The following CANX variants were observed in gnomAD, a reference collection of about 807,000 sequenced individuals.
CANX encodes calnexin, also known as epididymis secretory sperm binding protein.
A neutral mutation model predicts 75.7 loss-of-function variants in CANX; 14 were observed. That is an observed-to-expected ratio of 0.19 (90% CI 0.12 to 0.29). CANX has a LOEUF of 0.29. CANX is among the 10% of genes least tolerant of loss of function. The probability of loss-of-function intolerance (pLI) is 1.00; values close to 1 mark genes in which losing one functional copy is unlikely to be tolerated. For synonymous variants in CANX, 227 were observed against 236.9 expected (o/e 0.96, Z 0.38); for missense variants, 567 against 713.2 (o/e 0.79, Z 2.34).
chr5:179,682,105 A>G (rs1776078619), intron 1 of CANX, among the ~76,000 whole-genome samples: 1 of 151,892 alleles, frequency 6.6e-6, no homozygotes, highest in Non-Finnish European at 1.5e-5. Flanking sequence ...AGAAAAAATT[A>G]GCCGGGTGTG....
At chr5:179,706,391 A>G (rs966500739) in intron 3 of CANX, 60 bp downstream of exon 3, 8 of 796,700 alleles carry the variant, frequency 1.0e-5, no homozygotes, top group South Asian at 1.6e-5. Context: ...ATGGGATAGT[A>G]GATTCCTTTT....
intron 1 of CANX, among the ~76,000 whole-genome samples, chr5:179,702,293 C>A (rs776697318): frequency 6.6e-6 from 1 of 151,600 alleles, no homozygotes; most frequent in African/African-American, 2.4e-5. Context: ...AAGCGATCAT[C>A]CTGCTTCCTC....
intron 1 of CANX, among the ~76,000 whole-genome samples, chr5:179,681,870 C>T (rs1387449697): frequency 6.6e-6 from 1 of 151,246 alleles, no homozygotes; most frequent in Non-Finnish European, 1.5e-5. Flanking sequence ...ATCACCTGAG[C>T]CCAAGAGGTG....
upstream of CANX, among the ~76,000 whole-genome samples, chr5:179,696,919 CT>C (rs1189551549): frequency 6.7e-6 from 1 of 149,752 alleles, no homozygotes; most frequent in Non-Finnish European, 1.5e-5. Context: ...CACGTACTCA[CT>C]TCTGGTCTCT....
In CANX at chr5:179,699,021, C is replaced by CCT. The variant is rs1286746862; in HGVS notation, c.-78_-77dup. The CCT allele has an allele frequency of 6.3e-6, 7 of 1,116,598 alleles. No individual in the cohort carries two copies. In the South Asian group the frequency reaches 1.1e-4, roughly 18 times the overall value. The allele number at this position is 1,116,598 out of a possible 1,614,324, so 69.2% of individuals were successfully genotyped here. On this transcript the variant is annotated 5_prime_UTR_variant, in exon 1 of 15. Transcript: ENST00000247461. ...GCACGTGACGGTCGGGCCGCCTCCG[C>CCT]CTCTCTCTTTACTGCGGCGCGGGGC...
chr5:179,701,547 G>T (rs1267747616), intron 1 of CANX, among the ~76,000 whole-genome samples: 2 of 151,726 alleles, frequency 1.3e-5, no homozygotes, highest in Non-Finnish European at 2.9e-5. Context: ...TCCAGCCTGG[G>T]TGACAGAGTG....
chr5:179,681,704 C>T (rs1483500770), intron 1 of CANX, among the ~76,000 whole-genome samples: 4 of 151,902 alleles, frequency 2.6e-5, no homozygotes, highest in Non-Finnish European at 5.9e-5. Context: ...CTCAGTAGGG[C>T]GCCAGCTGAG....
chr5:179,684,661 T>C (rs865837941), intron 1 of CANX, among the ~76,000 whole-genome samples: 1 of 151,862 alleles, frequency 6.6e-6, no homozygotes, highest in Non-Finnish European at 1.5e-5. Flanking sequence ...ATTTTAGCCA[T>C]AGTGGTAGCG....
chr5:179,679,291 A>C, intron 1 of CANX: 3 of 1,500,378 alleles, frequency 2.0e-6, no homozygotes, highest in Non-Finnish European at 2.7e-6. Context: ...CCGGGTGAGC[A>C]GCGTGCTTGG....
intron 1 of CANX, among the ~76,000 whole-genome samples, chr5:179,702,838 A>G (rs964324596): frequency 6.6e-6 from 1 of 151,616 alleles, no homozygotes; most frequent in African/African-American, 2.4e-5. Context: ...CGTGATTTCA[A>G]CTCACACTGC....
intron 1 of CANX, among the ~76,000 whole-genome samples, chr5:179,682,252 CAA>C (rs57777599): frequency 1.2e-4 from 16 of 129,264 alleles, no homozygotes; most frequent in Admixed American, 2.4e-4. Flanking sequence ...AACTCCATCT[CAA>C]AAAAAAAAAA....
chr5:179,678,824 T>C (rs1775971147), intron 1 of CANX: 1 of 1,537,026 alleles, frequency 6.5e-7, no homozygotes, highest in Non-Finnish European at 8.7e-7. Context: ...CCGCTGCACC[T>C]GCGCCTTCCA....
In CANX at chr5:179,707,166, G is replaced by A. The variant is rs368902277; in HGVS notation, c.280G>A (p.Asp94Asn). 69 of 1,598,486 alleles carry A rather than the reference G, an allele frequency of 4.3e-5. No homozygotes were observed. Among genetic ancestry groups the A allele is most frequent in the Admixed American group, 6.7e-5 (4 of 59,980 alleles). Residue 94 changes from aspartate (D) to asparagine (N), a missense_variant, in exon 4 of 15, where the codon GAT (aspartate) becomes AAT (asparagine). By Grantham distance (23) the Asp-to-Asn change is conservative. Around this residue, in one of 3 missense-constraint regions of CANX, gnomAD observed 351 missense variants for 433.8 expected, o/e 0.81. Coordinates refer to ENST00000247461, the MANE Select transcript of CANX (RefSeq NM_001746.4). ...ILSKAKKDDT[D>N]DEIAKYDGKW... ...ATCCAAAGCCAAGAAAGACGATACCGATGATGAAATTGCCAAATATGATGG... is the reference window on the plus strand; with the variant it reads ...ATCCAAAGCCAAGAAAGACGATACCAATGATGAAATTGCCAAATATGATGG...
Position 179,726,711 on chromosome 5 carries a change from T to C in CANX, c.1677T>C (p.Asp559=). 1.9e-6 allele frequency: 3 copies of C among 1,613,740 alleles called. No homozygotes were observed. The highest frequency in any genetic ancestry group is 1.7e-6 in the Non-Finnish European group (2 of 1,179,670). The change falls in exon 14 of 15, where the codon GAT becomes GAC. Residue 559 remains aspartate (D), a synonymous_variant. Coordinates refer to ENST00000247461, the MANE Select transcript of CANX (RefSeq NM_001746.4). Reference sequence around the variant, plus strand: ...AACAGAAAAGTGATGCTGAAGAAGATGGTGGCACTGTCAGTCAAGAGGAGG... The same window carrying C: ...AACAGAAAAGTGATGCTGAAGAAGACGGTGGCACTGTCAGTCAAGAGGAGG... ...EEKQKSDAEE[D]GGTVSQEEED... is the part of the protein sequence containing the mutation.
Position 179,729,543 on chromosome 5 carries a change from TC to T in CANX, c.*903del, listed in dbSNP as rs1778876838. On this transcript the variant is annotated 3_prime_UTR_variant, in exon 15 of 15. Transcript: ENST00000247461. ...TGTTTTCCTTACCTATTTCCTCAGATCCCCAGCTTTCTCCTCTGCTATGCAT... is the reference window on the plus strand; with the variant it reads ...TGTTTTCCTTACCTATTTCCTCAGATCCCAGCTTTCTCCTCTGCTATGCAT... 1 of 152,746 alleles carries T rather than the reference TC, an allele frequency of 6.5e-6. No individual in the cohort carries two copies. The highest frequency in any genetic ancestry group is 2.4e-5 in the African/African-American group (1 of 41,454). The allele number at this position is 152,746 out of a possible 1,614,324, so 9.5% of individuals were successfully genotyped here.
intron 7 of CANX, among the ~76,000 whole-genome samples, chr5:179,714,215 G>A (rs761251204): frequency 2.0e-5 from 3 of 152,146 alleles, no homozygotes; most frequent in Non-Finnish European, 4.4e-5. Context: ...TGGTCAGGCT[G>A]GTCTCGAACT....
intron 1 of CANX, chr5:179,679,237 G>C: frequency 6.5e-7 from 1 of 1,531,476 alleles, no homozygotes; most frequent in Non-Finnish European, 8.7e-7. Flanking sequence ...CGGATGTCCA[G>C]AATGATGAAG....
rs1281168825 is a variant in CANX at position 179,682,256 on chromosome 5, A to T, written c.-4+3479A>T. On this transcript the variant is annotated intron_variant, in intron 1 of 14. Transcript: ENST00000681674. ...AACAAGAGCGAAACTCCATCTCAAA[A>T]AAAAAAAAAAGGAATGATTAAATTA... Among the ~76,000 whole-genome samples the T allele has an allele frequency of 2.0e-5, 3 of 151,544 alleles. No individual in the cohort carries two copies. In the East Asian group the frequency reaches 5.8e-4, roughly 29 times the overall value.
intron 1 of CANX, chr5:179,700,359 T>C (rs1452542464): frequency 6.6e-6 from 1 of 152,212 alleles, no homozygotes; most frequent in Admixed American, 6.5e-5. Flanking sequence ...ATTTTATTGA[T>C]CTTTAAAATC....
Sources: allele counts gnomAD v4.1 joint callset (sites outside exome capture counted in the v4.1 genomes callset), GRCh38; gene constraint gnomAD v4.1.1; regional missense constraint gnomAD v4.1.1; transcripts MANE v1.5; gene names NCBI Gene and HGNC (gene_info 2026-07-23, HGNC 2026-07-21).